Variants in GALNT13 observed in about 807,000 individuals in gnomAD.
GALNT13 encodes UDP-GalNAc:polypeptide N-acetylgalactosaminyltransferase 13.
In GALNT13, 28 loss-of-function variants were observed where a neutral mutation model predicts 64.2. That is an observed-to-expected ratio of 0.44 (90% CI 0.32 to 0.60). The LOEUF (loss-of-function observed/expected upper bound fraction) is 0.60. GALNT13 is among the 20% of genes least tolerant of loss of function. The probability of loss-of-function intolerance (pLI) is 0.05; values close to 1 mark genes in which losing one functional copy is unlikely to be tolerated. For missense variants in GALNT13, 577 were observed against 669.8 expected, an observed-to-expected ratio of 0.86 and a Z score of 1.53; for synonymous variants, 214 against 224.6, an observed-to-expected ratio of 0.95 and a Z score of 0.42.
chr2:153,619,087 C>G, the GALNT13 span, among the ~76,000 whole-genome samples: 43 of 152,010 alleles, frequency 2.8e-4, no homozygotes, highest in African/African-American at 1.0e-3. Context: ...GTTTTGTGGA[C>G]TGCTCTTCCT....
At chr2:153,493,261 C>T in the GALNT13 span, among the ~76,000 whole-genome samples, 2 of 151,574 alleles carry the variant, frequency 1.3e-5, no homozygotes, top group Non-Finnish European at 2.9e-5. Flanking sequence ...TGATAAGCAC[C>T]AAGCAAAGAT....
the GALNT13 span, among the ~76,000 whole-genome samples, chr2:153,425,456 G>A: frequency 5.9e-5 from 9 of 151,474 alleles, no homozygotes; most frequent in Non-Finnish European, 1.3e-4. Flanking sequence ...ATTTGGATTT[G>A]GTGTCATTGA....
chr2:154,278,447 G>A (rs773411719), intron 8 of GALNT13, among the ~76,000 whole-genome samples: 2 of 152,168 alleles, frequency 1.3e-5, no homozygotes, highest in Admixed American at 6.6e-5. Flanking sequence ...AGTTGGAAAT[G>A]TGTTGCAGGG....
At chr2:153,185,688 T>G in the GALNT13 span, among the ~76,000 whole-genome samples, 1 of 152,238 alleles carries the variant, frequency 6.6e-6, no homozygotes, top group Non-Finnish European at 1.5e-5. Context: ...AAGAACTTCT[T>G]GATTTCTGCT....
At chr2:153,541,094 T>G in the GALNT13 span, among the ~76,000 whole-genome samples, 3 of 152,082 alleles carry the variant, frequency 2.0e-5, no homozygotes, top group Non-Finnish European at 4.4e-5. Context: ...GAATTGTAGC[T>G]CCTATAATCC....
At chr2:154,295,115 G>T (rs1574036400) in intron 8 of GALNT13, among the ~76,000 whole-genome samples, 3 of 152,150 alleles carry the variant, frequency 2.0e-5, no homozygotes, top group African/African-American at 7.2e-5. Context: ...CAACCATAGT[G>T]CTAATCCATA....
intron 3 of GALNT13, among the ~76,000 whole-genome samples, chr2:153,984,666 TAC>T (rs1411004068): frequency 6.6e-6 from 1 of 151,832 alleles, no homozygotes; most frequent in Non-Finnish European, 1.5e-5. Flanking sequence ...GACAAATGTA[TAC>T]AGTTATATAA....
At chr2:154,009,169 C>CTTTTTTTTTT (rs146389666) in intron 3 of GALNT13, among the ~76,000 whole-genome samples, 3 of 143,696 alleles carry the variant, frequency 2.1e-5, no homozygotes, top group Non-Finnish European at 1.5e-5. Flanking sequence ...TCCATTGCTT[C>CTTTTTTTTTT]TTTTTTTTTC....
intron 7 of GALNT13, among the ~76,000 whole-genome samples, chr2:154,252,266 A>C (rs13388978): frequency 0.14 from 21,956 of 151,902 alleles, 1,604 homozygotes; most frequent in South Asian, 0.18. Context: ...TATGAAGGGC[A>C]GTCCAAAAAT....
At chr2:154,342,336 T>C (rs1179235425) in intron 9 of GALNT13, among the ~76,000 whole-genome samples, 1 of 152,034 alleles carries the variant, frequency 6.6e-6, no homozygotes, top group Admixed American at 6.6e-5. Context: ...GTGATTGAGT[T>C]CTTAAGTCAG....
chr2:153,288,481 A>G, the GALNT13 span, among the ~76,000 whole-genome samples: 3 of 152,180 alleles, frequency 2.0e-5, no homozygotes, highest in Admixed American at 1.3e-4. Flanking sequence ...ATGAAATCTC[A>G]CATTGTCCCA....
chr2:154,293,055 C>T (rs964112051), intron 8 of GALNT13, among the ~76,000 whole-genome samples: 8 of 152,114 alleles, frequency 5.3e-5, no homozygotes, highest in African/African-American at 1.9e-4. Flanking sequence ...CAAAGACAAG[C>T]TTTAATTCCC....
chr2:154,262,910 C>CA (rs1458786039), intron 8 of GALNT13, among the ~76,000 whole-genome samples: 2 of 152,048 alleles, frequency 1.3e-5, no homozygotes, highest in Admixed American at 1.3e-4. Context: ...GAATTACCAT[C>CA]AAAAAGTATC....
At chr2:154,436,054 A>G (rs1171893294) in intron 11 of GALNT13, 1 of 152,200 alleles carries the variant, frequency 6.6e-6, no homozygotes, top group South Asian at 2.1e-4. Flanking sequence ...AAACGAGATT[A>G]TTTCCCAGGT....
chr2:153,830,581 A>C, the GALNT13 span, among the ~76,000 whole-genome samples: 1 of 152,228 alleles, frequency 6.6e-6, no homozygotes, highest in African/African-American at 2.4e-5. Flanking sequence ...TCTAATTGCT[A>C]AAGAGGCTTA....
the GALNT13 span, among the ~76,000 whole-genome samples, chr2:153,543,054 G>A: frequency 3.9e-5 from 6 of 152,162 alleles, no homozygotes; most frequent in East Asian, 1.9e-4. Flanking sequence ...TTCTTTCCAC[G>A]CCCCATTGAT....
chr2:154,456,122 A>C (rs1031501036), downstream of GALNT13, among the ~76,000 whole-genome samples: 1 of 150,916 alleles, frequency 6.6e-6, no homozygotes, highest in African/African-American at 2.4e-5. Context: ...GGGAAAAAAG[A>C]ACTTGATGAT....
chr2:153,533,723 C>CTTTTTTTTTTTTTTTTTTTTT, the GALNT13 span, among the ~76,000 whole-genome samples: 237 of 48,688 alleles, frequency 4.9e-3, 45 homozygotes, highest in East Asian at 0.011. Flanking sequence ...TGAGGTTTTT[C>CTTTTTTTTTTTTTTTTTTTTT]TTTTTTTTTT....
chr2:153,089,708 C>T, the GALNT13 span, among the ~76,000 whole-genome samples: 1 of 151,814 alleles, frequency 6.6e-6, no homozygotes, highest in African/African-American at 2.4e-5. Context: ...ATTCAAAAGG[C>T]TTGTCTTCAA....
Sources: allele counts gnomAD v4.1 joint callset (sites outside exome capture counted in the v4.1 genomes callset), GRCh38; gene constraint gnomAD v4.1.1; transcripts MANE v1.5; gene names NCBI Gene and HGNC (gene_info 2026-07-23, HGNC 2026-07-21).